Variants in TRPA1 observed in about 807,000 individuals in gnomAD.
TRPA1 encodes the protein transient receptor potential cation channel subfamily A member 1.
In TRPA1, 129 loss-of-function variants were observed where a neutral mutation model predicts 131.3. That is an observed-to-expected ratio of 0.98 (90% CI 0.85 to 1.14). The LOEUF is 1.14. TRPA1 is among the 50% of genes most tolerant of loss of function. The pLI, the probability that TRPA1 is intolerant of heterozygous loss-of-function variation, is 0.00. For missense variants in TRPA1, 1,304 were observed against 1,354.2 expected (o/e 0.96, Z 0.58); for synonymous variants, 441 against 451.7 (o/e 0.98, Z 0.30).
At chr8:72,087,566 T>C in the TRPA1 span, among the ~76,000 whole-genome samples, 1 of 151,790 alleles carries the variant, frequency 6.6e-6, no homozygotes, top group Non-Finnish European at 1.5e-5. Context: ...TATTGTATTA[T>C]AGGAATATTC....
chr8:72,078,770 A>C (rs1338119227), upstream of TRPA1, among the ~76,000 whole-genome samples: 1 of 152,064 alleles, frequency 6.6e-6, no homozygotes, highest in Non-Finnish European at 1.5e-5. Context: ...TTAGAGAGAT[A>C]CCTAGTAGTG....
the TRPA1 span, among the ~76,000 whole-genome samples, chr8:72,084,380 G>C: frequency 2.1e-5 from 3 of 144,980 alleles, no homozygotes; most frequent in East Asian, 5.8e-4. Context: ...TGTTCCCACT[G>C]TCTTGCTTCT....
chr8:72,085,262 T>C, the TRPA1 span, among the ~76,000 whole-genome samples: 4 of 152,176 alleles, frequency 2.6e-5, no homozygotes, highest in Admixed American at 2.6e-4. Context: ...TATAGCATTT[T>C]ATATAAATTC....
chr8:72,081,317 G>T, the TRPA1 span, among the ~76,000 whole-genome samples: 2 of 151,650 alleles, frequency 1.3e-5, no homozygotes, highest in African/African-American at 4.8e-5. Context: ...TATTTCTGTT[G>T]TTGATATTCA....
chr8:72,067,831 T>C (rs997429003), intron 3 of TRPA1, among the ~76,000 whole-genome samples: 2 of 152,222 alleles, frequency 1.3e-5, no homozygotes, highest in African/African-American at 4.8e-5. Context: ...GGAGCCACCC[T>C]GACCCATCTC....
chr8:72,056,962 T>A lies in TRPA1; in HGVS notation c.1149A>T (p.Val383=). 2 of 1,609,884 alleles carry A rather than the reference T, an allele frequency of 1.2e-6. No individual in the cohort carries two copies. The highest frequency in any genetic ancestry group is 1.7e-6 in the Non-Finnish European group (2 of 1,178,238). The change falls in exon 10 of 27, where the codon GTA becomes GTT. Residue 383 remains valine (V), a synonymous_variant. Transcript: ENST00000262209. ...NFGRNFLHLT[V]QQPYGLKNLR... Reference sequence around the variant, plus strand: ...GATTTTTTAATCCATAAGGTTGCTGTACAGTTAAATGCAGAAAATTACGTC... The same window carrying A: ...GATTTTTTAATCCATAAGGTTGCTGAACAGTTAAATGCAGAAAATTACGTC...
chr8:72,088,139 G>C, the TRPA1 span, among the ~76,000 whole-genome samples: 1 of 152,188 alleles, frequency 6.6e-6, no homozygotes, highest in East Asian at 1.9e-4. Flanking sequence ...AATGCTTGAA[G>C]CTGTCTTTGT....
intron 3 of TRPA1, 131 bp downstream of exon 3, chr8:72,068,892 T>C: frequency 1.1e-6 from 1 of 925,328 alleles, no homozygotes; most frequent in African/African-American, 1.6e-5. Flanking sequence ...GTAAAGCAAA[T>C]GTAATAATTG....
chr8:72,078,436 T>C (rs918053086), upstream of TRPA1, among the ~76,000 whole-genome samples: 1 of 152,132 alleles, frequency 6.6e-6, no homozygotes, highest in African/African-American at 2.4e-5. Context: ...CTTCAATCTG[T>C]CTTTGGAGCA....
In TRPA1 at chr8:72,047,149, TA is replaced by T; in HGVS notation, c.1963del (p.Tyr655IlefsTer13). 1 of 1,603,002 alleles carries T rather than the reference TA, an allele frequency of 6.2e-7. No homozygotes were observed. Among genetic ancestry groups the T allele is most frequent in the Non-Finnish European group, 8.5e-7 (1 of 1,171,404 alleles). On this transcript the variant is annotated frameshift_variant and splice_region_variant, in exon 16 of 27. Coordinates refer to ENST00000262209, the MANE Select transcript of TRPA1 (RefSeq NM_007332.3). LOFTEE classifies it high-confidence loss of function. ...STEDKSCRDY[Y>X]IEYNFKYLQC... ...ATAATGATGATAAAATAAACTTACA[TA>T]ATAGTCTCGGCAGGACTTGTCTTCT...
intron 4 of TRPA1, among the ~76,000 whole-genome samples, chr8:72,064,380 A>T (rs924048546): frequency 6.6e-6 from 1 of 151,920 alleles, no homozygotes; most frequent in African/African-American, 2.4e-5. Context: ...CAGTATACAC[A>T]TAAATTAAAC....
In TRPA1 at chr8:72,061,726, G is replaced by A. The variant is rs1158179755; in HGVS notation, c.843C>T (p.Thr281=). The A allele has an allele frequency of 1.9e-6, 3 of 1,613,926 alleles. No individual in the cohort carries two copies. Among genetic ancestry groups the A allele is most frequent in the Non-Finnish European group, 1.7e-6 (2 of 1,179,916 alleles). The change falls in exon 7 of 27, where the codon ACC becomes ACT. Residue 281 remains threonine (T), a synonymous_variant. Coordinates refer to ENST00000262209, the MANE Select transcript of TRPA1 (RefSeq NM_007332.3). ...GRCTAIHFAA[T]QGATEIVKLM... ...GTTTAACAATCTCAGTGGCTCCCTG[G>A]GTGGCAGCAAAATGAATGGCTGTGC...
Position 72,039,717 on chromosome 8 carries a change from C to A in TRPA1, c.2132+10G>T. 3.2e-6 allele frequency: 5 copies of A among 1,570,688 alleles called. No homozygotes were observed. Among genetic ancestry groups the A allele is most frequent in the Non-Finnish European group, 4.4e-6 (5 of 1,141,204 alleles). On this transcript the variant is annotated intron_variant, in intron 18 of 26. Coordinates refer to ENST00000262209, the MANE Select transcript of TRPA1 (RefSeq NM_007332.3). ...ACAGCATTAAACAAGAAATACTACT[C>A]AATACCCACCATTTCATGAGTAAAT...
the TRPA1 span, among the ~76,000 whole-genome samples, chr8:72,088,281 A>G: frequency 6.8e-6 from 1 of 147,524 alleles, no homozygotes; most frequent in Non-Finnish European, 1.5e-5. Context: ...TCTACTGTCT[A>G]TCTTTCCAGA....
intron 23 of TRPA1, among the ~76,000 whole-genome samples, chr8:72,031,852 TTTATTA>T (rs1264824083): frequency 6.6e-6 from 1 of 152,158 alleles, no homozygotes; most frequent in Middle Eastern, 3.2e-3. Flanking sequence ...GGAAGTAGGT[TTTATTA>T]TTATTAAATG....
chr8:72,050,678 G>A, intron 15 of TRPA1, 100 bp downstream of exon 15: 7 of 838,644 alleles, frequency 8.3e-6, no homozygotes, highest in Non-Finnish European at 1.4e-5. Context: ...TGGAAAATGA[G>A]AAGCTTTGTT....
At chr8:72,054,739 A>G (rs1205576731) in intron 12 of TRPA1, 1 of 152,310 alleles carries the variant, frequency 6.6e-6, no homozygotes, top group Non-Finnish European at 1.5e-5. Context: ...CATCAATATT[A>G]TGGTAAGGAA....
chr8:72,083,578 CAA>C, the TRPA1 span, among the ~76,000 whole-genome samples: 12 of 127,776 alleles, frequency 9.4e-5, no homozygotes, highest in East Asian at 2.2e-4. Context: ...ACTAAAAATA[CAA>C]AAAAAAAAAA....
intron 10 of TRPA1, among the ~76,000 whole-genome samples, chr8:72,056,499 G>C (rs1457873316): frequency 6.6e-6 from 1 of 152,064 alleles, no homozygotes; most frequent in African/African-American, 2.4e-5. Flanking sequence ...TAAAAATAAT[G>C]CTTTCAACCT....
Sources: gnomAD v4.1 joint callset for allele counts (sites outside exome capture counted in the v4.1 genomes callset) on GRCh38, gnomAD v4.1.1 for gene constraint, MANE v1.5 for transcripts, NCBI Gene and HGNC (gene_info 2026-07-23, HGNC 2026-07-21) for gene names.